Variants in MKRN1 observed in about 807,000 individuals in gnomAD.
MKRN1 encodes makorin ring finger protein 1.
Under a neutral mutation model 55.5 loss-of-function variants are expected in MKRN1, and 9 were observed. The ratio of observed to expected loss-of-function variants is 0.16; its 90% CI spans 0.10 to 0.28. The LOEUF (loss-of-function observed/expected upper bound fraction) is 0.28. Among genes scored for constraint, MKRN1 ranks in the 10% least tolerant of loss-of-function variants. The probability of loss-of-function intolerance (pLI) is 1.00; values close to 1 mark genes in which losing one functional copy is unlikely to be tolerated. For missense variants in MKRN1, 488 were observed against 626.7 expected (o/e 0.78, Z 2.36); for synonymous variants, 253 against 235.9 (o/e 1.07, Z -0.66).
chr7:140,454,473 G>A lies in MKRN1; in HGVS notation c.*44C>T, dbSNP rs1164722857. ...TGCCACACCACCACAGGGGACAGCT[G>A]CTGTCTGAGGTCAGCAGACCAGTTC... On this transcript the variant is annotated 3_prime_UTR_variant, in exon 8 of 8. Coordinates refer to ENST00000255977, the MANE Select transcript of MKRN1 (RefSeq NM_013446.4). 3.2e-6 allele frequency: 5 copies of A among 1,564,066 alleles called. No individual in the cohort carries two copies. The South Asian group carries it at 5.7e-5, about 18-fold the overall frequency.
rs1224128315 is a variant in MKRN1, at chr7:140,459,244, G to GT, written c.545-12dup. ...TGCAGGAAGGCGCAGCTGAAAATGT[G>GT]TAAGAGGGTGGTAAAGGTCCAAATA... On this transcript the variant is annotated splice_polypyrimidine_tract_variant and intron_variant, in intron 3 of 7. Coordinates refer to ENST00000255977, the MANE Select transcript of MKRN1 (RefSeq NM_013446.4). 1 of 1,613,298 alleles carries GT rather than the reference G, an allele frequency of 6.2e-7. No individual in the cohort carries two copies. The highest frequency in any genetic ancestry group is 8.5e-7 in the Non-Finnish European group (1 of 1,179,516).
intron 1 of MKRN1, chr7:140,473,338 C>A (rs928741666): frequency 4.9e-6 from 2 of 409,174 alleles, no homozygotes; most frequent in Admixed American, 3.4e-5. Context: ...AGACACTGTG[C>A]AGTAAAAGAC....
chr7:140,475,032 C>T lies in MKRN1; in HGVS notation c.186-3021G>A, dbSNP rs140548381. 5.0e-4 allele frequency among the ~76,000 whole-genome samples: 76 copies of T among 151,846 alleles called. 1 individual carries two copies. Among genetic ancestry groups the T allele is most frequent in the African/African-American group, 1.7e-3 (72 of 41,468 alleles). ...CCACGCCCAGCTGATCTTTAAGTTACGTTAACCACATTTTTAAAAACTTTT... is the reference window on the plus strand; with the variant it reads ...CCACGCCCAGCTGATCTTTAAGTTATGTTAACCACATTTTTAAAAACTTTT... On this transcript the variant is annotated intron_variant, in intron 1 of 7. Transcript: ENST00000255977.
chr7:140,472,826 A>G (rs1252418426), intron 1 of MKRN1, among the ~76,000 whole-genome samples: 1 of 150,962 alleles, frequency 6.6e-6, no homozygotes, highest in Non-Finnish European at 1.5e-5. Context: ...TAACAAAAAG[A>G]AAAAAAAAGG....
At chr7:140,476,817 C>A (rs1440304536) in intron 1 of MKRN1, among the ~76,000 whole-genome samples, 1 of 152,038 alleles carries the variant, frequency 6.6e-6, no homozygotes. Context: ...CGGTGGCTCA[C>A]GCCTCTAATC....
At chr7:140,460,246 C>CAAAAAAAAAAAAAAAA (rs58698651) in intron 2 of MKRN1, 9 of 76,804 alleles carry the variant, frequency 1.2e-4, no homozygotes, top group African/African-American at 3.6e-4. Context: ...GACTCCGTCT[C>CAAAAAAAAAAAAAAAA]AAAAAAAAAA....
chr7:140,455,972 T>TGTGTC, intron 5 of MKRN1, 72 bp from the exon 6 acceptor site: 1 of 1,353,774 alleles, frequency 7.4e-7, no homozygotes, highest in Non-Finnish European at 1.1e-6. Context: ...CACACCCTGG[T>TGTGTC]GTGTCGCCTC....
Position 140,454,279 on chromosome 7 carries a change from T to C in MKRN1, c.*238A>G, listed in dbSNP as rs747486049. ...CTACACTAACTGTCTGACAGTTAAATTCGTGTTACAAAAAACTAACTTTAA... is the reference window on the plus strand; with the variant it reads ...CTACACTAACTGTCTGACAGTTAAACTCGTGTTACAAAAAACTAACTTTAA... On this transcript the variant is annotated 3_prime_UTR_variant, in exon 8 of 8. Coordinates refer to ENST00000255977, the MANE Select transcript of MKRN1 (RefSeq NM_013446.4). The C allele has an allele frequency of 3.5e-5, 19 of 538,850 alleles. No homozygotes were observed. The highest frequency in any genetic ancestry group is 5.0e-5 in the Non-Finnish European group (15 of 299,058). 33.4% of individuals were successfully genotyped at this position (538,850 alleles called of 1,614,324 possible). A position where few individuals can be genotyped will look rare whatever the true frequency, so the allele number is the denominator to read the frequency against.
chr7:140,463,913 G>A (rs1055480344), intron 2 of MKRN1, among the ~76,000 whole-genome samples: 4 of 151,832 alleles, frequency 2.6e-5, no homozygotes, highest in Non-Finnish European at 2.9e-5. Context: ...AAGAAATCCA[G>A]CCCAAAGCCT....
rs535901709 is a variant in MKRN1 at position 140,456,543 on chromosome 7, G to A, written c.986+109C>T. ...CCCCATTAGAATATCCCAGTTTCAA[G>A]ATAAAATGCATGCATTTAAATGCGG... On this transcript the variant is annotated intron_variant, in intron 5 of 7. Coordinates refer to ENST00000255977, the MANE Select transcript of MKRN1 (RefSeq NM_013446.4). 18 of 1,485,560 alleles carry A rather than the reference G, an allele frequency of 1.2e-5. No individual in the cohort carries two copies. In the African/African-American group the frequency reaches 2.4e-4, roughly 20 times the overall value. 92.0% of individuals were successfully genotyped at this position (1,485,560 alleles called of 1,614,324 possible).
At position 140,479,459 on chromosome 7, in the gene MKRN1, A is replaced by G. The variant is rs1053892158; in HGVS notation, c.-115T>C. On this transcript the variant is annotated 5_prime_UTR_variant, in exon 1 of 8. Coordinates refer to ENST00000255977, the MANE Select transcript of MKRN1 (RefSeq NM_013446.4). ...GAGGGGAGGGGAAGGACACTGAGGCACCCGTTCGGTCCCCGCCTGCTACGC... is the reference window on the plus strand; with the variant it reads ...GAGGGGAGGGGAAGGACACTGAGGCGCCCGTTCGGTCCCCGCCTGCTACGC... The G allele has an allele frequency of 4.4e-4, 483 of 1,089,738 alleles. 1 individual carries two copies. The highest frequency in any genetic ancestry group is 3.7e-5 in the Non-Finnish European group (32 of 854,642). The allele number at this position is 1,089,738 out of a possible 1,614,324, so 67.5% of individuals were successfully genotyped here.
chr7:140,479,093 T>C, intron 1 of MKRN1, 67 bp downstream of exon 1: 3 of 1,252,964 alleles, frequency 2.4e-6, no homozygotes, highest in Non-Finnish European at 3.0e-6. Context: ...CCCTCCTCCC[T>C]CCCGCGCCGC....
chr7:140,462,553 T>A (rs1347633565), intron 2 of MKRN1, among the ~76,000 whole-genome samples: 3 of 152,174 alleles, frequency 2.0e-5, no homozygotes, highest in African/African-American at 7.2e-5. Context: ...TCATTGTTAT[T>A]ATTACCTCAA....
intron 2 of MKRN1, among the ~76,000 whole-genome samples, chr7:140,469,985 T>C (rs1222446392): frequency 1.2e-4 from 18 of 146,100 alleles, no homozygotes; most frequent in Admixed American, 1.1e-3. Flanking sequence ...GAGGTGGAGG[T>C]TGCAGTGAGC....
intron 2 of MKRN1, among the ~76,000 whole-genome samples, chr7:140,463,747 T>C (rs562436610): frequency 1.1e-3 from 165 of 151,936 alleles, no homozygotes; most frequent in Middle Eastern, 6.8e-3. Context: ...TAGCCGGGCG[T>C]GGTGGCAGGC....
intron 5 of MKRN1, chr7:140,456,408 T>C: frequency 7.4e-7 from 1 of 1,348,604 alleles, no homozygotes. Flanking sequence ...TTAAACACAA[T>C]CTCCTCAGAA....
intron 7 of MKRN1, 40 bp downstream of exon 7, chr7:140,455,055 C>T: frequency 6.2e-7 from 1 of 1,609,962 alleles, no homozygotes; most frequent in South Asian, 1.1e-5. Context: ...CAACTGATAC[C>T]TTGGAATTTC....
At position 140,454,466 on chromosome 7, in the gene MKRN1, G is replaced by C; in HGVS notation, c.*51C>G. 6.5e-7 allele frequency: 1 copy of C among 1,536,732 alleles called. No individual in the cohort carries two copies. The highest frequency in any genetic ancestry group is 1.2e-5 in the South Asian group (1 of 86,862). On this transcript the variant is annotated 3_prime_UTR_variant, in exon 8 of 8. Coordinates refer to ENST00000255977, the MANE Select transcript of MKRN1 (RefSeq NM_013446.4). ...CAGGCACTGCCACACCACCACAGGG[G>C]ACAGCTGCTGTCTGAGGTCAGCAGA...
chr7:140,464,259 C>A (rs1243670200), intron 2 of MKRN1, among the ~76,000 whole-genome samples: 1 of 152,136 alleles, frequency 6.6e-6, no homozygotes, highest in Non-Finnish European at 1.5e-5. Flanking sequence ...TCCCTTGGAG[C>A]CAAGCTTCAT....
Sources: gnomAD v4.1 joint callset for allele counts (sites outside exome capture counted in the v4.1 genomes callset) on GRCh38, gnomAD v4.1.1 for gene constraint, MANE v1.5 for transcripts, NCBI Gene and HGNC (gene_info 2026-07-23, HGNC 2026-07-21) for gene names.